The following ROBO2 variants were observed in gnomAD, a reference collection of about 807,000 sequenced individuals.
ROBO2 encodes the protein roundabout guidance receptor 2, also known as roundabout homolog 2.
ROBO2 carries 53 observed loss-of-function variants against 160.8 expected under a neutral mutation model. That is an observed-to-expected ratio of 0.33 (90% CI 0.26 to 0.41). The LOEUF is 0.41. Ranked by LOEUF, ROBO2 falls within the 10% of genes least tolerant of loss-of-function variation. The pLI, the probability that ROBO2 is intolerant of heterozygous loss-of-function variation, is 1.00. For synonymous variants in ROBO2, 664 were observed against 611.7 expected, an observed-to-expected ratio of 1.09 and a Z score of -1.26; for missense variants, 1,577 against 1,722.4, an observed-to-expected ratio of 0.92 and a Z score of 1.49.
intron 2 of ROBO2, among the ~76,000 whole-genome samples, chr3:76,368,051 T>G (rs901031422): frequency 6.6e-6 from 1 of 151,934 alleles, no homozygotes; most frequent in Non-Finnish European, 1.5e-5. Flanking sequence ...TAAAATAAAA[T>G]AGTCATATAT....
intron 2 of ROBO2, among the ~76,000 whole-genome samples, chr3:76,202,624 A>C (rs2107262589): frequency 6.6e-6 from 1 of 152,338 alleles, no homozygotes; most frequent in South Asian, 2.1e-4. Flanking sequence ...CAGAATAATT[A>C]TTGAAGCAGT....
chr3:76,577,364 G>T (rs550872141), intron 2 of ROBO2, among the ~76,000 whole-genome samples: 1 of 151,914 alleles, frequency 6.6e-6, no homozygotes, highest in East Asian at 1.9e-4. Flanking sequence ...ATTATTTTGT[G>T]GTTCTGTAAG....
intron 21 of ROBO2, among the ~76,000 whole-genome samples, chr3:77,608,450 A>G (rs1349548497): frequency 1.3e-5 from 2 of 152,178 alleles, no homozygotes; most frequent in Admixed American, 6.5e-5. Flanking sequence ...ATGGGAATTT[A>G]GGGGCCAGAA....
At chr3:76,115,205 C>T (rs1360225692) in intron 2 of ROBO2, among the ~76,000 whole-genome samples, 2 of 152,088 alleles carry the variant, frequency 1.3e-5, no homozygotes, top group Admixed American at 1.3e-4. Context: ...AGTCTATTAA[C>T]CCCAAACTCC....
chr3:76,373,710 A>G (rs2108498885), intron 2 of ROBO2, among the ~76,000 whole-genome samples: 1 of 152,124 alleles, frequency 6.6e-6, no homozygotes, highest in Non-Finnish European at 1.5e-5. Context: ...AGATTGCATC[A>G]GCTGGTTTAT....
chr3:77,338,565 A>G (rs2066734057), intron 2 of ROBO2, among the ~76,000 whole-genome samples: 1 of 152,206 alleles, frequency 6.6e-6, no homozygotes, highest in South Asian at 2.1e-4. Flanking sequence ...ATAACTTATT[A>G]AACTTTATAA....
At position 76,229,152 on chromosome 3, in the gene ROBO2, T is replaced by C. The variant is rs564617369; in HGVS notation, c.109+291550T>C. Among the ~76,000 whole-genome samples the C allele has an allele frequency of 2.0e-5, 3 of 152,326 alleles. No homozygotes were observed. The South Asian group carries it at 6.2e-4, about 32-fold the overall frequency. Reference sequence around the variant, plus strand: ...CATTTGGAGAAAAGTATAAATTAAATACATTTAATGTTGAATTATTAGAAA... The same window carrying C: ...CATTTGGAGAAAAGTATAAATTAAACACATTTAATGTTGAATTATTAGAAA... On this transcript the variant is annotated intron_variant, in intron 2 of 26. Transcript: ENST00000487694.
chr3:77,321,118 G>A (rs1057511324), intron 2 of ROBO2, among the ~76,000 whole-genome samples: 1 of 152,090 alleles, frequency 6.6e-6, no homozygotes, highest in African/African-American at 2.4e-5. Context: ...ACCTCCTCAT[G>A]CCGGACTTTC....
Position 76,314,687 on chromosome 3 carries a change from A to G in ROBO2, c.109+377085A>G, listed in dbSNP as rs569544036. The stretch of plus-strand genomic sequence containing the variant: ...TTTTCTCTTCCTTACGATTTTCTTA[A>G]TAACATTTTCTTTTCCCTAGCTTAC... On this transcript the variant is annotated intron_variant, in intron 2 of 26. Transcript: ENST00000487694. 7.9e-5 allele frequency among the ~76,000 whole-genome samples: 12 copies of G among 152,228 alleles called. 1 individual carries two copies. Among genetic ancestry groups the G allele is most frequent in the Admixed American group, 2.6e-4 (4 of 15,282 alleles).
chr3:77,208,497 A>G (rs535010675), intron 2 of ROBO2, among the ~76,000 whole-genome samples: 1 of 152,322 alleles, frequency 6.6e-6, no homozygotes, highest in East Asian at 1.9e-4. Context: ...AACAAACAGT[A>G]CTAGAATTGT....
chr3:77,405,900 C>A (rs960941785), intron 2 of ROBO2, among the ~76,000 whole-genome samples: 3 of 152,062 alleles, frequency 2.0e-5, no homozygotes, highest in African/African-American at 4.8e-5. Context: ...CCCTGTATGT[C>A]ATGAAAAGAT....
intron 2 of ROBO2, among the ~76,000 whole-genome samples, chr3:76,940,332 T>C (rs1246014677): frequency 6.6e-6 from 1 of 152,154 alleles, no homozygotes; most frequent in East Asian, 1.9e-4. Context: ...GACTTTTAAG[T>C]GTTTGTGATT....
Position 77,189,892 on chromosome 3 carries a change from A to T in ROBO2, c.388+91552A>T, listed in dbSNP as rs112474697. ...GATACAAAAACTGAGGCATAAAGAGATTAAGGAGTTCAAGGTTTCCCAGAT... is the reference window on the plus strand; with the variant it reads ...GATACAAAAACTGAGGCATAAAGAGTTTAAGGAGTTCAAGGTTTCCCAGAT... On this transcript the variant is annotated intron_variant, in intron 2 of 25. Coordinates refer to ENST00000461745, the Ensembl canonical transcript of ROBO2. Among the ~76,000 whole-genome samples the T allele has an allele frequency of 8.3e-3, 1,262 of 151,984 alleles. 16 individuals carry two copies. The highest frequency in any genetic ancestry group is 0.028 in the African/African-American group (1,159 of 41,524).
At chr3:76,761,149 A>C (rs1390054845) in intron 2 of ROBO2, among the ~76,000 whole-genome samples, 1 of 151,786 alleles carries the variant, frequency 6.6e-6, no homozygotes, top group Non-Finnish European at 1.5e-5. Flanking sequence ...CTAGGGATCA[A>C]TTTGTTAAAC....
chr3:76,945,580 G>T (rs1289741285), intron 2 of ROBO2, among the ~76,000 whole-genome samples: 1 of 152,186 alleles, frequency 6.6e-6, no homozygotes, highest in Non-Finnish European at 1.5e-5. Flanking sequence ...GTATCAGGGT[G>T]TATCAGTCCA....
At chr3:76,619,115 C>T (rs1399606520) in intron 2 of ROBO2, among the ~76,000 whole-genome samples, 1 of 151,428 alleles carries the variant, frequency 6.6e-6, no homozygotes, top group Non-Finnish European at 1.5e-5. Context: ...CCGAGGCGGG[C>T]GGATCACGAG....
rs1383654175 is a variant in ROBO2 at position 77,602,349 on chromosome 3, C to A, written c.2994C>A (p.Ala998=). 3 of 1,614,086 alleles carry A rather than the reference C, an allele frequency of 1.9e-6. No individual in the cohort carries two copies. The African/African-American group carries it at 4.0e-5, about 22-fold the overall frequency. ...AAATAACACAGGCTACCCCATATGCCACGACACAGATCTTGCATTCCAACA... is the reference window on the plus strand; with the variant it reads ...AAATAACACAGGCTACCCCATATGCAACGACACAGATCTTGCATTCCAACA... The change falls in exon 20 of 26, where the codon GCC becomes GCA. Residue 998 remains alanine, a synonymous_variant. Coordinates refer to ENST00000461745, the Ensembl canonical transcript of ROBO2.
In ROBO2 at chr3:77,580,135, G is replaced by T. The variant is rs1259766830; in HGVS notation, c.2500+17G>T. ...TAATAATCGGTGAGTATCAAACTATGTGGTCTGTGCTTTAGAATCAGTCAG... is the reference window on the plus strand; with the variant it reads ...TAATAATCGGTGAGTATCAAACTATTTGGTCTGTGCTTTAGAATCAGTCAG... On this transcript the variant is annotated intron_variant, in intron 16 of 25. Coordinates refer to ENST00000461745, the Ensembl canonical transcript of ROBO2. The T allele has an allele frequency of 6.2e-7, 1 of 1,613,026 alleles. No homozygotes were observed. Among genetic ancestry groups the T allele is most frequent in the African/African-American group, 1.3e-5 (1 of 74,868 alleles).
chr3:77,277,437 A>G (rs920307867), intron 2 of ROBO2, among the ~76,000 whole-genome samples: 1 of 151,966 alleles, frequency 6.6e-6, no homozygotes, highest in Admixed American at 6.6e-5. Flanking sequence ...CTATTCTTCC[A>G]GATGATGTCA....
Sources: gnomAD v4.1 joint callset for allele counts (sites outside exome capture counted in the v4.1 genomes callset) on GRCh38, gnomAD v4.1.1 for gene constraint, MANE v1.5 for transcripts, NCBI Gene and HGNC (gene_info 2026-07-23, HGNC 2026-07-21) for gene names.